Variants in DENND1B observed in about 807,000 individuals in gnomAD.
DENND1B encodes DENN domain-containing protein 1B.
A neutral mutation model predicts 90.1 loss-of-function variants in DENND1B; 59 were observed. That is an observed-to-expected ratio of 0.65 (90% CI 0.53 to 0.81). The LOEUF is 0.81. DENND1B is among the 40% of genes least tolerant of loss of function. The pLI is 0.00. For missense variants in DENND1B, 862 were observed against 912.6 expected (o/e 0.94, Z 0.71); for synonymous variants, 337 against 324.6 (o/e 1.04, Z -0.41).
At chr1:197,706,388 A>C (rs1296558300) in intron 3 of DENND1B, among the ~76,000 whole-genome samples, 1 of 152,226 alleles carries the variant, frequency 6.6e-6, no homozygotes, top group Non-Finnish European at 1.5e-5. Context: ...TTCATAAAGA[A>C]AACCTTAAAA....
At chr1:197,665,801 C>G (rs1244779226) in intron 5 of DENND1B, among the ~76,000 whole-genome samples, 1 of 151,902 alleles carries the variant, frequency 6.6e-6, no homozygotes, top group Non-Finnish European at 1.5e-5. Flanking sequence ...AGATAGCTCA[C>G]AAATGAGAAG....
chr1:197,565,694 G>A (rs1301012279), intron 15 of DENND1B, among the ~76,000 whole-genome samples: 7 of 141,610 alleles, frequency 4.9e-5, no homozygotes. Context: ...CTGTGTCCAT[G>A]TGTTCTCACT....
chr1:197,510,528 G>T lies in DENND1B; in HGVS notation c.2260C>A (p.His754Asn), dbSNP rs951844156. Residue 754 changes from histidine (H) to asparagine (N), a missense_variant, in exon 23 of 23, where the codon CAT becomes AAT. By Grantham distance (68) the His-to-Asn change is moderately conservative. Transcript: ENST00000620048. ...CTTTGTTGGAAGTCAGATGTCATAT[G>T]ACATAATGACACTACTTCATGGAGC... The part of the protein sequence containing the change: ...GLLHEVVSLC[H>N]MTSDFQQSLN... The T allele has an allele frequency of 9.3e-6, 15 of 1,612,318 alleles. No individual in the cohort carries two copies. Among genetic ancestry groups the T allele is most frequent in the Non-Finnish European group, 1.3e-5 (15 of 1,178,968 alleles).
intron 15 of DENND1B, among the ~76,000 whole-genome samples, chr1:197,581,879 G>A (rs1484328887): frequency 1.3e-5 from 2 of 152,076 alleles, no homozygotes; most frequent in African/African-American, 4.8e-5. Context: ...AATACAAAAA[G>A]GTACTGATAT....
intron 15 of DENND1B, among the ~76,000 whole-genome samples, chr1:197,566,134 C>A (rs1486189227): frequency 6.6e-6 from 1 of 151,978 alleles, no homozygotes; most frequent in East Asian, 1.9e-4. Flanking sequence ...TATTTCTCCA[C>A]ATCCTCTCCA....
intron 2 of DENND1B, among the ~76,000 whole-genome samples, chr1:197,725,218 G>C (rs968873007): frequency 7.2e-5 from 11 of 152,068 alleles, no homozygotes; most frequent in African/African-American, 2.7e-4. Context: ...GCATCCTAGA[G>C]AGAAAAGAGG....
At chr1:197,548,163 T>C (rs1441913350) in intron 16 of DENND1B, among the ~76,000 whole-genome samples, 1 of 152,202 alleles carries the variant, frequency 6.6e-6, no homozygotes, top group Non-Finnish European at 1.5e-5. Flanking sequence ...TAGGGTCTTA[T>C]TTAGAACTAT....
chr1:197,507,490 C>T lies in DENND1B; in HGVS notation c.*2970G>A, dbSNP rs1388748783. ...AAATTCCAATATTATTTCTCTATAC[C>T]CCTGAAATACCACGGATGCAATATC... On this transcript the variant is annotated 3_prime_UTR_variant, in exon 23 of 23. Coordinates refer to ENST00000620048, the MANE Select transcript of DENND1B (RefSeq NM_001195215.2). 1 of 150,882 alleles carries T rather than the reference C, an allele frequency of 6.6e-6. No homozygotes were observed. Among genetic ancestry groups the T allele is most frequent in the African/African-American group, 2.4e-5 (1 of 41,168 alleles). 9.3% of individuals were successfully genotyped at this position (150,882 alleles called of 1,614,324 possible).
intron 18 of DENND1B, among the ~76,000 whole-genome samples, chr1:197,545,028 G>GAGAAGGAGGAGAAGGAGAAGGAGA (rs1192143504): frequency 9.2e-6 from 1 of 109,154 alleles, no homozygotes; most frequent in Non-Finnish European, 1.9e-5. Context: ...ACGAAAGAAG[G>GAGAAGGAGGAGAAGGAGAAGGAGA]AGGAGAAGGA....
chr1:197,518,513 G>A (rs996833876), intron 20 of DENND1B, among the ~76,000 whole-genome samples: 5 of 151,792 alleles, frequency 3.3e-5, no homozygotes, highest in African/African-American at 1.2e-4. Flanking sequence ...ATCTCAAGAG[G>A]AACTCACCTT....
At chr1:197,727,091 T>C (rs1454260378) in intron 2 of DENND1B, among the ~76,000 whole-genome samples, 4 of 152,212 alleles carry the variant, frequency 2.6e-5, no homozygotes, top group Non-Finnish European at 5.9e-5. Context: ...TGGATAAATA[T>C]CATTAACCTT....
intron 5 of DENND1B, among the ~76,000 whole-genome samples, chr1:197,663,122 A>G (rs1572236868): frequency 6.6e-6 from 1 of 152,124 alleles, no homozygotes; most frequent in Non-Finnish European, 1.5e-5. Flanking sequence ...ATTTTAACCT[A>G]ATCAAAAGAC....
At chr1:197,734,073 CT>C (rs1363321958) in intron 2 of DENND1B, 1 of 954,362 alleles carries the variant, frequency 1.0e-6, no homozygotes, top group East Asian at 1.2e-4. Context: ...AATTCTGCTA[CT>C]GTATTTTTCA....
intron 3 of DENND1B, among the ~76,000 whole-genome samples, chr1:197,713,951 A>ATATAAT (rs1660357361): frequency 1.7e-4 from 1 of 5,868 alleles, no homozygotes; most frequent in Admixed American, 1.8e-3. Context: ...ATACATATAC[A>ATATAAT]CCAATAATAA....
chr1:197,670,633 A>G (rs1655411276), intron 5 of DENND1B, among the ~76,000 whole-genome samples: 1 of 152,120 alleles, frequency 6.6e-6, no homozygotes, highest in Admixed American at 6.6e-5. Flanking sequence ...GAAAAGTTTC[A>G]AAAATGCATT....
chr1:197,659,909 T>C (rs1202186045), intron 5 of DENND1B, among the ~76,000 whole-genome samples: 2 of 151,960 alleles, frequency 1.3e-5, no homozygotes, highest in African/African-American at 4.8e-5. Context: ...AACCACCAGA[T>C]ATTTGAGGAA....
chr1:197,597,338 A>G lies in DENND1B; in HGVS notation c.922-2005T>C, dbSNP rs557611728. Among the ~76,000 whole-genome samples the G allele has an allele frequency of 4.6e-5, 7 of 151,850 alleles. No individual in the cohort carries two copies. The South Asian group carries it at 1.5e-3, about 31-fold the overall frequency. Reference sequence around the variant, plus strand: ...ATTTAATTACTACCTCCACCCCCAAAAAAGATTACGATGTAAGGAATATGA... The same window carrying G: ...ATTTAATTACTACCTCCACCCCCAAGAAAGATTACGATGTAAGGAATATGA... On this transcript the variant is annotated intron_variant, in intron 13 of 22. Transcript: ENST00000620048.
At chr1:197,694,213 T>TAA (rs149995813) in intron 3 of DENND1B, among the ~76,000 whole-genome samples, 1 of 150,020 alleles carries the variant, frequency 6.7e-6, no homozygotes, top group African/African-American at 2.4e-5. Context: ...CTTATTTTGC[T>TAA]AAAAAAAAAT....
chr1:197,733,537 T>C (rs1292016916), intron 2 of DENND1B, among the ~76,000 whole-genome samples: 2 of 152,212 alleles, frequency 1.3e-5, no homozygotes, highest in Admixed American at 6.5e-5. Context: ...TCGGATTAGC[T>C]CTTCTCTTCG....
Sources: gnomAD v4.1 joint callset for allele counts (sites outside exome capture counted in the v4.1 genomes callset) on GRCh38, gnomAD v4.1.1 for gene constraint, MANE v1.5 for transcripts, NCBI Gene and HGNC (gene_info 2026-07-23, HGNC 2026-07-21) for gene names.